The following PYY variants were observed in gnomAD, a reference collection of about 807,000 sequenced individuals.
PYY encodes the protein peptide tyrosine tyrosine.
A neutral mutation model predicts 10.3 loss-of-function variants in PYY; 12 were observed. The observed-to-expected ratio is 1.17, with a 90% confidence interval of 0.75 to 1.89. PYY has a LOEUF of 1.89. Among genes scored for constraint, PYY ranks in the 40% most tolerant of loss-of-function variants. The pLI is 0.00. For missense variants in PYY, 141 were observed against 134.0 expected, an observed-to-expected ratio of 1.05 and a Z score of -0.26; for synonymous variants, 66 against 62.0, an observed-to-expected ratio of 1.06 and a Z score of -0.30.
chr17:43,967,817 A>G (rs1236494080), intron 1 of PYY, among the ~76,000 whole-genome samples: 1 of 152,026 alleles, frequency 6.6e-6, no homozygotes, highest in East Asian at 1.9e-4. Context: ...TGAGTTTCTC[A>G]TTTTTCCTCT....
intron 1 of PYY, among the ~76,000 whole-genome samples, chr17:43,980,113 T>C (rs1182109536): frequency 2.0e-5 from 3 of 151,966 alleles, no homozygotes; most frequent in Non-Finnish European, 2.9e-5. Context: ...ACATAAGTTA[T>C]GTGGAATCAG....
rs1343896426 is a variant in PYY at position 43,953,164 on chromosome 17, T to C, written c.214A>G (p.Thr72Ala). The change falls in exon 3 of 4, where the codon ACG becomes GCG. Residue 72 changes from threonine to alanine, a missense_variant. Thr to Ala is a moderately conservative substitution (Grantham distance 58). Coordinates refer to ENST00000692052, the MANE Select transcript of PYY (RefSeq NM_001394028.1). ...GGGAAGAACGTTTTGGAAAGAAGCG[T>C]GTCCGGGCCGTCTCTTTTCCCATAC... is the stretch of plus-strand genomic sequence containing the variant. ...QRYGKRDGPD[T>A]LLSKTFFPDG... is the part of the protein sequence containing the mutation. 1.9e-6 allele frequency: 3 copies of C among 1,613,606 alleles called. No homozygotes were observed. Among genetic ancestry groups the C allele is most frequent in the Non-Finnish European group, 2.5e-6 (3 of 1,179,754 alleles).
intron 1 of PYY, among the ~76,000 whole-genome samples, chr17:43,990,476 T>C (rs2048949631): frequency 6.6e-6 from 1 of 150,870 alleles, no homozygotes; most frequent in African/African-American, 2.4e-5. Context: ...AAAAGCAACT[T>C]CTCAAGACTC....
intron 1 of PYY, among the ~76,000 whole-genome samples, chr17:43,968,684 C>A (rs1345828176): frequency 6.6e-6 from 1 of 152,094 alleles, no homozygotes; most frequent in Non-Finnish European, 1.5e-5. Context: ...TGGTAGTGTG[C>A]ACCTGTGGTC....
At chr17:43,976,283 G>A (rs143504975) in intron 1 of PYY, among the ~76,000 whole-genome samples, 15,515 of 86,300 alleles carry the variant, frequency 0.18, 4,607 homozygotes, top group East Asian at 0.56. Flanking sequence ...GTATATATAC[G>A]CATATGTATA....
chr17:43,983,249 C>A (rs1040880221), intron 1 of PYY, among the ~76,000 whole-genome samples: 11 of 151,832 alleles, frequency 7.2e-5, no homozygotes, highest in Admixed American at 3.3e-4. Flanking sequence ...AAACAAAAAA[C>A]AACAACAACA....
At chr17:43,997,299 G>A (rs770756219) in intron 1 of PYY, among the ~76,000 whole-genome samples, 41 of 151,978 alleles carry the variant, frequency 2.7e-4, no homozygotes, top group Non-Finnish European at 4.0e-4. Context: ...TTGGCCTCCC[G>A]AAGTGCTGAG....
intron 1 of PYY, among the ~76,000 whole-genome samples, chr17:43,982,104 C>T (rs2048887366): frequency 6.6e-6 from 1 of 152,188 alleles, no homozygotes; most frequent in African/African-American, 2.4e-5. Context: ...CTGCGCAGCT[C>T]TGCCCAGGGG....
upstream of PYY, among the ~76,000 whole-genome samples, chr17:43,955,662 C>T (rs2048666869): frequency 6.6e-6 from 1 of 152,116 alleles, no homozygotes; most frequent in South Asian, 2.1e-4. Context: ...TCAAGAACCC[C>T]AGTCTCAAAG....
rs928440321 is a variant in PYY, at chr17:43,989,243, G to A, written c.-463+15148C>T. ...CAAAAAATTAGCCGGGCGTGGTGGC[G>A]GGCGCCTGTAGTCCCAGCTACTCGG... is the stretch of plus-strand genomic sequence containing the variant. On this transcript the variant is annotated intron_variant, in intron 1 of 6. Coordinates refer to the PYY transcript ENST00000360085. Among the ~76,000 whole-genome samples, 17 of 152,044 alleles carry A rather than the reference G, an allele frequency of 1.1e-4. No homozygotes were observed. In the Middle Eastern group the frequency reaches 0.01, roughly 91 times the overall value.
chr17:43,953,714 G>T (rs1216301312), intron 1 of PYY, 136 bp downstream of exon 1: 1 of 387,190 alleles, frequency 2.6e-6, no homozygotes, highest in South Asian at 8.0e-5. Context: ...CACCCCCGCT[G>T]CTGGCCTCCT....
intron 1 of PYY, among the ~76,000 whole-genome samples, chr17:43,976,235 G>GCACATATGTATACATGTATACATATA (rs1567932181): frequency 9.3e-6 from 1 of 107,006 alleles, no homozygotes; most frequent in South Asian, 2.7e-4. Flanking sequence ...ATATACATAT[G>GCACATATGTATACATGTATACATATA]CGTATATATA....
intron 1 of PYY, among the ~76,000 whole-genome samples, chr17:43,988,479 G>A (rs531881237): frequency 1.3e-5 from 2 of 152,152 alleles, no homozygotes; most frequent in East Asian, 1.9e-4. Context: ...TCAGCTCCCC[G>A]GGGAAGCTTC....
rs1555617090 is a variant in PYY at position 43,963,578 on chromosome 17, G to GAAAGAAAGAAAGA, written c.-218+2697_-218+2709dup. Among the ~76,000 whole-genome samples the GAAAGAAAGAAAGA allele has an allele frequency of 3.6e-3, 251 of 68,864 alleles. 2 individuals carry two copies. The highest frequency in any genetic ancestry group is 0.012 in the African/African-American group (242 of 19,992). The allele number at this position is 68,864 out of a possible 152,430, so 45.2% of individuals were successfully genotyped here. A position where few individuals can be genotyped will look rare whatever the true frequency, so the allele number is the denominator to read the frequency against. On this transcript the variant is annotated intron_variant, in intron 2 of 6. Transcript: ENST00000360085. ...GAAGGAAGGAAGGAAGGAAAAGAAA[G>GAAAGAAAGAAAGA]AAAGAAAGAAAGAAAGAAAGAAAGA...
chr17:43,972,207 A>ATTTG (rs1001876813), intron 1 of PYY, among the ~76,000 whole-genome samples: 1 of 147,226 alleles, frequency 6.8e-6, no homozygotes, highest in African/African-American at 2.5e-5. Flanking sequence ...TTATTTATTT[A>ATTTG]TTTATTTATT....
At chr17:43,979,539 G>GA (rs557714607) in intron 1 of PYY, among the ~76,000 whole-genome samples, 2,736 of 140,838 alleles carry the variant, frequency 0.019, 65 homozygotes, top group African/African-American at 0.064. Flanking sequence ...TAATAAAGAT[G>GA]AAAAAAAAAA....
At chr17:43,986,311 C>T (rs1013631948) in intron 1 of PYY, among the ~76,000 whole-genome samples, 1 of 152,260 alleles carries the variant, frequency 6.6e-6, no homozygotes, top group Non-Finnish European at 1.5e-5. Flanking sequence ...CTAGGTCTTT[C>T]TTTCCTGAAC....
chr17:43,956,936 A>G (rs1437912623), upstream of PYY, among the ~76,000 whole-genome samples: 2 of 151,996 alleles, frequency 1.3e-5, no homozygotes, highest in Admixed American at 6.5e-5. Flanking sequence ...CGTGGTGCTC[A>G]CGCCTGTAAT....
At chr17:43,960,102 A>G (rs534940399) in intron 2 of PYY, among the ~76,000 whole-genome samples, 65 of 152,336 alleles carry the variant, frequency 4.3e-4, no homozygotes, top group South Asian at 1.0e-3. Flanking sequence ...TAGATACCAA[A>G]TAGCGGTAGC....
Sources: allele counts gnomAD v4.1 joint callset (sites outside exome capture counted in the v4.1 genomes callset), GRCh38; gene constraint gnomAD v4.1.1; transcripts MANE v1.5; gene names NCBI Gene and HGNC (gene_info 2026-07-23, HGNC 2026-07-21).